The following PHACTR3 variants were observed in gnomAD, a reference collection of about 807,000 sequenced individuals.
PHACTR3 encodes the protein phosphatase and actin regulator 3.
A neutral mutation model predicts 66.8 loss-of-function variants in PHACTR3; 16 were observed. The observed-to-expected ratio is 0.24, with a 90% CI of 0.16 to 0.36. PHACTR3 has a LOEUF of 0.36. Ranked by LOEUF, PHACTR3 falls within the 10% of genes least tolerant of loss-of-function variation. The pLI, the probability that PHACTR3 is intolerant of heterozygous loss-of-function variation, is 1.00. For synonymous variants in PHACTR3, 323 were observed against 292.1 expected (o/e 1.11, Z -1.08); for missense variants, 647 against 719.9 (o/e 0.90, Z 1.16).
At chr20:59,721,640 TA>T (rs1292768977) in intron 1 of PHACTR3, among the ~76,000 whole-genome samples, 1 of 152,280 alleles carries the variant, frequency 6.6e-6, no homozygotes, top group East Asian at 1.9e-4. Flanking sequence ...CTAAGGAATC[TA>T]GATGAGGCCA....
At chr20:59,836,482 G>C (rs1486977445) in intron 8 of PHACTR3, 23 bp from the exon 9 acceptor site, 1 of 1,604,558 alleles carries the variant, frequency 6.2e-7, no homozygotes, top group East Asian at 2.3e-5. Context: ...GGTGCAAAAT[G>C]TAATTTTAGT....
chr20:59,780,559 T>C (rs6092824), intron 7 of PHACTR3, among the ~76,000 whole-genome samples: 53,430 of 151,858 alleles, frequency 0.35, 11,012 homozygotes, highest in East Asian at 0.67. Context: ...CACCTAATGA[T>C]CTAATCACCT....
intron 1 of PHACTR3, among the ~76,000 whole-genome samples, chr20:59,731,182 T>C (rs1455968746): frequency 6.6e-6 from 1 of 152,222 alleles, no homozygotes; most frequent in Non-Finnish European, 1.5e-5. Context: ...TCTCTAAATT[T>C]CTACTACAAT....
Position 59,604,877 on chromosome 20 carries a change from C to CTTTTT in PHACTR3, c.-120_-116dup. 8.2e-6 allele frequency: 8 copies of CTTTTT among 977,780 alleles called. No individual in the cohort carries two copies. Among genetic ancestry groups the CTTTTT allele is most frequent in the Non-Finnish European group, 9.6e-6 (8 of 829,222 alleles). The allele number at this position is 977,780 out of a possible 1,614,324, so 60.6% of individuals were successfully genotyped here. On this transcript the variant is annotated 5_prime_UTR_variant, in exon 1 of 13. Coordinates refer to ENST00000371015, the MANE Select transcript of PHACTR3 (RefSeq NM_080672.5). ...TCTCCAGCTCGTTTCCTTTCCCGGCCTTTTTTTTTTTTTTTTTTTTTTAAT... is the reference window on the plus strand; with the variant it reads ...TCTCCAGCTCGTTTCCTTTCCCGGCCTTTTTTTTTTTTTTTTTTTTTTTTTTTAAT...
chr20:59,667,926 C>T (rs1016406650), intron 1 of PHACTR3, among the ~76,000 whole-genome samples: 1 of 152,158 alleles, frequency 6.6e-6, no homozygotes, highest in Non-Finnish European at 1.5e-5. Context: ...TTCTGCAGGG[C>T]GAGCCACAAG....
intron 1 of PHACTR3, among the ~76,000 whole-genome samples, chr20:59,720,750 A>G (rs2038263926): frequency 2.6e-5 from 4 of 152,220 alleles, no homozygotes; most frequent in Admixed American, 2.0e-4. Context: ...TCTCCTAAAA[A>G]CATCTAACCC....
At chr20:59,619,802 C>T (rs1016209185) in intron 1 of PHACTR3, among the ~76,000 whole-genome samples, 2 of 152,172 alleles carry the variant, frequency 1.3e-5, no homozygotes, top group South Asian at 2.1e-4. Flanking sequence ...GTGAAGGGAT[C>T]GTCCTGGTCA....
chr20:59,666,139 A>G (rs950634299), intron 1 of PHACTR3, among the ~76,000 whole-genome samples: 5 of 152,084 alleles, frequency 3.3e-5, no homozygotes, highest in African/African-American at 1.2e-4. Context: ...CCTCACTTGG[A>G]CTTTCTGTGG....
At chr20:59,835,298 C>T (rs1003957487) in intron 8 of PHACTR3, among the ~76,000 whole-genome samples, 3 of 151,774 alleles carry the variant, frequency 2.0e-5, no homozygotes, top group African/African-American at 4.8e-5. Context: ...GTTCAAGTCT[C>T]ACTGAACATC....
chr20:59,773,971 T>C (rs1281432311), intron 6 of PHACTR3, among the ~76,000 whole-genome samples: 1 of 152,268 alleles, frequency 6.6e-6, no homozygotes, highest in African/African-American at 2.4e-5. Context: ...TCTCAGTTTT[T>C]GTGAAGTCCT....
intron 1 of PHACTR3, among the ~76,000 whole-genome samples, chr20:59,659,520 G>A (rs891094134): frequency 1.3e-5 from 2 of 151,718 alleles, no homozygotes; most frequent in Non-Finnish European, 2.9e-5. Context: ...CTACAGGCAC[G>A]CACCACCATG....
At chr20:59,665,392 T>C (rs764750222) in intron 1 of PHACTR3, among the ~76,000 whole-genome samples, 8 of 152,210 alleles carry the variant, frequency 5.3e-5, no homozygotes, top group Non-Finnish European at 1.0e-4. Flanking sequence ...GGTGTTTGAT[T>C]TCACTGCACC....
At chr20:59,603,570 CT>C (rs1284636633), upstream of PHACTR3, 1 of 152,290 alleles carries the variant, frequency 6.6e-6, no homozygotes, top group African/African-American at 2.4e-5. Flanking sequence ...TGGGGGCAGC[CT>C]TAGGGAGGGC....
intron 1 of PHACTR3, among the ~76,000 whole-genome samples, chr20:59,610,956 C>A (rs2033827696): frequency 6.6e-6 from 1 of 152,250 alleles, no homozygotes; most frequent in Non-Finnish European, 1.5e-5. Context: ...CCACACAGAA[C>A]TCATTTATTT....
At chr20:59,637,937 G>C (rs2034954191) in intron 1 of PHACTR3, among the ~76,000 whole-genome samples, 1 of 152,166 alleles carries the variant, frequency 6.6e-6, no homozygotes. Flanking sequence ...AGAGCTCTAA[G>C]AGATTCCCAT....
At chr20:59,815,329 G>A (rs574978884) in intron 8 of PHACTR3, among the ~76,000 whole-genome samples, 22 of 151,926 alleles carry the variant, frequency 1.4e-4, no homozygotes, top group African/African-American at 4.8e-4. Context: ...ACCCAGGATC[G>A]TTCTTGATCA....
intron 1 of PHACTR3, among the ~76,000 whole-genome samples, chr20:59,579,436 G>A (rs572181456): frequency 6.6e-6 from 1 of 152,330 alleles, no homozygotes; most frequent in African/African-American, 2.4e-5. Flanking sequence ...ATGCTGCGGG[G>A]AGCAGGGAGG....
intron 1 of PHACTR3, among the ~76,000 whole-genome samples, chr20:59,665,205 A>G (rs2035943738): frequency 6.6e-6 from 1 of 152,190 alleles, no homozygotes; most frequent in African/African-American, 2.4e-5. Context: ...TGTGATTACT[A>G]ATATAGCAGG....
intron 1 of PHACTR3, among the ~76,000 whole-genome samples, chr20:59,661,152 T>A (rs2035791368): frequency 6.6e-6 from 1 of 152,254 alleles, no homozygotes; most frequent in Non-Finnish European, 1.5e-5. Flanking sequence ...GGGGCATGAT[T>A]AGCAGAAGGG....
Sources: allele counts gnomAD v4.1 joint callset (sites outside exome capture counted in the v4.1 genomes callset), GRCh38; gene constraint gnomAD v4.1.1; transcripts MANE v1.5; gene names NCBI Gene and HGNC (gene_info 2026-07-23, HGNC 2026-07-21).